RASA2: variants seen among roughly 807,000 people sequenced by gnomAD.
The protein encoded by RASA2 is RAS p21 protein activator 2.
Under a neutral mutation model 118.2 loss-of-function variants are expected in RASA2, and 155 were observed. The observed-to-expected ratio is 1.31, with a 90% CI of 1.15 to 1.50. The LOEUF (loss-of-function observed/expected upper bound fraction) is 1.50, where lower values mean the gene tolerates loss of function less well. Ranked by LOEUF, RASA2 falls within the 40% of genes most tolerant of loss-of-function variation. The probability of loss-of-function intolerance (pLI) is 0.00; values close to 1 mark genes in which losing one functional copy is unlikely to be tolerated. For synonymous variants in RASA2, 353 were observed against 349.1 expected, an observed-to-expected ratio of 1.01 and a Z score of -0.12; for missense variants, 1,016 against 1,009.6, an observed-to-expected ratio of 1.01 and a Z score of -0.09.
chr3:141,600,772 C>T (rs2083451046), intron 19 of RASA2, among the ~76,000 whole-genome samples: 1 of 152,158 alleles, frequency 6.6e-6, no homozygotes, highest in Non-Finnish European at 1.5e-5. Context: ...CACTCCAAAT[C>T]CCAGCCAGTT....
intron 3 of RASA2, 49 bp from the exon 4 acceptor site, chr3:141,529,659 G>A: frequency 7.4e-7 from 1 of 1,347,512 alleles, no homozygotes; most frequent in Non-Finnish European, 1.1e-6. Flanking sequence ...ATGAGTCTTA[G>A]GATTATACGA....
chr3:141,562,529 GGAGA>G (rs2082747827), intron 9 of RASA2, among the ~76,000 whole-genome samples: 1 of 134,344 alleles, frequency 7.4e-6, no homozygotes, highest in South Asian at 2.6e-4. Flanking sequence ...AGCTGGCGCA[GGAGA>G]AATTGCGTGC....
At position 141,512,254 on chromosome 3, in the gene RASA2, T is replaced by A; in HGVS notation, c.225T>A (p.Arg75=). 6.3e-7 allele frequency: 1 copy of A among 1,590,416 alleles called. No homozygotes were observed. The highest frequency in any genetic ancestry group is 8.5e-7 in the Non-Finnish European group (1 of 1,173,206). Residue 75 remains arginine, a synonymous_variant, in exon 2 of 24, where the codon CGT becomes CGA. Transcript: ENST00000286364. ...TINLDQEEVY[R]TQVVEKSLSP... The stretch of plus-strand genomic sequence containing the variant: ...ATTTGGACCAGGAAGAAGTTTATCG[T>A]ACCCAAGTTGTGGAAAAATCTTTAA...
At chr3:141,515,078 G>A (rs987838195) in intron 2 of RASA2, among the ~76,000 whole-genome samples, 7 of 152,140 alleles carry the variant, frequency 4.6e-5, no homozygotes, top group Non-Finnish European at 1.0e-4. Context: ...AAGCTACACA[G>A]TTGTATAAAT....
intron 19 of RASA2, among the ~76,000 whole-genome samples, chr3:141,605,194 A>G (rs2083528192): frequency 1.3e-5 from 2 of 152,144 alleles, no homozygotes; most frequent in African/African-American, 2.4e-5. Flanking sequence ...CTTGGTGGAT[A>G]ACTTTCTATT....
At chr3:141,547,318 C>A (rs1013407428) in intron 5 of RASA2, among the ~76,000 whole-genome samples, 7 of 151,988 alleles carry the variant, frequency 4.6e-5, no homozygotes, top group African/African-American at 1.7e-4. Context: ...AACATTGATT[C>A]TTCCAGTCCA....
chr3:141,569,134 C>T (rs1208897790), intron 9 of RASA2, among the ~76,000 whole-genome samples: 2 of 151,962 alleles, frequency 1.3e-5, no homozygotes, highest in Admixed American at 1.3e-4. Context: ...CACAAGAAAA[C>T]GCCTTTTTAA....
intron 1 of RASA2, among the ~76,000 whole-genome samples, chr3:141,487,521 G>A (rs960030620): frequency 3.7e-4 from 56 of 151,998 alleles, no homozygotes; most frequent in East Asian, 5.8e-4. Context: ...TGGACGCGGG[G>A]ACGCTGGAGT....
chr3:141,570,966 G>T lies in RASA2; in HGVS notation c.918G>T (p.Leu306=). 1 of 1,612,240 alleles carries T rather than the reference G, an allele frequency of 6.2e-7. No individual in the cohort carries two copies. Among genetic ancestry groups the T allele is most frequent in the Admixed American group, 1.7e-5 (1 of 59,834 alleles). ...ACAAGTCATCCAAAACTGATGACCT[G>T]GGGTCTCTTCGATTAAATATATGTT... The part of the protein sequence containing the change: ...NGNKSSKTDD[L]GSLRLNICYT... Residue 306 remains leucine, a synonymous_variant, in exon 10 of 24, where the codon CTG becomes CTT. Coordinates refer to ENST00000286364, the MANE Select transcript of RASA2 (RefSeq NM_006506.5).
At chr3:141,498,597 C>T (rs143730154) in intron 1 of RASA2, among the ~76,000 whole-genome samples, 1 of 152,226 alleles carries the variant, frequency 6.6e-6, no homozygotes, top group African/African-American at 2.4e-5. Flanking sequence ...TATACACATA[C>T]ACACCTTTAT....
chr3:141,586,847 T>A, intron 19 of RASA2, 95 bp downstream of exon 19: 1 of 986,682 alleles, frequency 1.0e-6, no homozygotes, highest in East Asian at 2.6e-5. Flanking sequence ...CTTTCAGTAA[T>A]ATTACTGTAG....
intron 19 of RASA2, among the ~76,000 whole-genome samples, chr3:141,606,874 A>G (rs1446483330): frequency 6.6e-6 from 1 of 152,202 alleles, no homozygotes; most frequent in Non-Finnish European, 1.5e-5. Flanking sequence ...GGTGAAATAA[A>G]AGCAAAGCTT....
At chr3:141,524,588 G>C (rs2082159100) in intron 3 of RASA2, among the ~76,000 whole-genome samples, 1 of 152,086 alleles carries the variant, frequency 6.6e-6, no homozygotes, top group Middle Eastern at 3.4e-3. Context: ...CACTGTTTTT[G>C]TTTGTTTGTT....
At chr3:141,610,113 G>A (rs1030841987) in intron 23 of RASA2, 47 bp downstream of exon 23, 29 of 1,460,680 alleles carry the variant, frequency 2.0e-5, no homozygotes, top group Non-Finnish European at 2.6e-5. Flanking sequence ...AACGGAGTTT[G>A]AGATTGCCTC....
chr3:141,516,542 C>A, intron 3 of RASA2, 111 bp downstream of exon 3: 1 of 825,082 alleles, frequency 1.2e-6, no homozygotes, highest in African/African-American at 1.8e-5. Flanking sequence ...CATCTCTGAT[C>A]TTTTTCTGTA....
At chr3:141,600,877 A>G (rs1194775037) in intron 19 of RASA2, among the ~76,000 whole-genome samples, 2 of 152,228 alleles carry the variant, frequency 1.3e-5, no homozygotes, top group Non-Finnish European at 2.9e-5. Flanking sequence ...AAGGTAAAAC[A>G]AAGTTGAGAG....
In RASA2 at chr3:141,591,455, A is replaced by G. The variant is rs1178370953; in HGVS notation, c.1933+4703A>G. Among the ~76,000 whole-genome samples, 5 of 152,112 alleles carry G rather than the reference A, an allele frequency of 3.3e-5. No individual in the cohort carries two copies. The East Asian group carries it at 5.8e-4, about 18-fold the overall frequency. ...TACTGTGTGGTCATTACTTTTGTCCATCTCTTCCCCTAGTCTTTAAGATCC... is the reference window on the plus strand; with the variant it reads ...TACTGTGTGGTCATTACTTTTGTCCGTCTCTTCCCCTAGTCTTTAAGATCC... On this transcript the variant is annotated intron_variant, in intron 19 of 23. Coordinates refer to ENST00000286364, the MANE Select transcript of RASA2 (RefSeq NM_006506.5).
At chr3:141,490,335 CAAAAAAAAA>C (rs3075070) in intron 1 of RASA2, among the ~76,000 whole-genome samples, 8 of 93,722 alleles carry the variant, frequency 8.5e-5, no homozygotes, top group Non-Finnish European at 1.8e-4. Flanking sequence ...CTCCTCCCCT[CAAAAAAAAA>C]AAAAAAAAAA....
intron 4 of RASA2, among the ~76,000 whole-genome samples, chr3:141,539,209 A>C (rs74815948): frequency 6.6e-6 from 1 of 152,218 alleles, no homozygotes; most frequent in African/African-American, 2.4e-5. Flanking sequence ...TGCAGGAATA[A>C]TGAAAGACCT....
Sources: allele counts gnomAD v4.1 joint callset (sites outside exome capture counted in the v4.1 genomes callset), GRCh38; gene constraint gnomAD v4.1.1; transcripts MANE v1.5; gene names NCBI Gene and HGNC (gene_info 2026-07-23, HGNC 2026-07-21).